Variants in ZNF521 observed in about 807,000 individuals in gnomAD.
ZNF521 encodes the protein zinc finger protein 521, also known as LYST-interacting protein 3.
ZNF521 carries 14 observed loss-of-function variants against 105.5 expected under a neutral mutation model. That is an observed-to-expected ratio of 0.13 (90% CI 0.09 to 0.21). The LOEUF is 0.21. Ranked by LOEUF, ZNF521 falls within the 10% of genes least tolerant of loss-of-function variation. ZNF521 has a pLI of 1.00. For synonymous variants in ZNF521, 635 were observed against 606.0 expected, an observed-to-expected ratio of 1.05 and a Z score of -0.70; for missense variants, 1,233 against 1,629.7, an observed-to-expected ratio of 0.76 and a Z score of 4.19.
intron 7 of ZNF521, among the ~76,000 whole-genome samples, chr18:25,069,573 A>T (rs2033163256): frequency 6.6e-6 from 1 of 152,178 alleles, no homozygotes; most frequent in Admixed American, 6.5e-5. Flanking sequence ...TTCCTGGCTG[A>T]GGAAATCTGG....
At position 25,236,365 on chromosome 18, in the gene ZNF521, G is replaced by A. The variant is rs62083908; in HGVS notation, c.221-8668C>T. On this transcript the variant is annotated intron_variant, in intron 3 of 7. Transcript: ENST00000361524. ...AGCCTGGATAACATGGTGAAACCCC[G>A]TCTCTACTAAAATACAAAAAATTAG... Among the ~76,000 whole-genome samples the A allele has an allele frequency of 6.4e-3, 976 of 152,108 alleles. 5 individuals carry two copies. Among genetic ancestry groups the A allele is most frequent in the Middle Eastern group, 0.01 (3 of 294 alleles).
chr18:25,217,089 A>G (rs1004309187), intron 4 of ZNF521, among the ~76,000 whole-genome samples: 4 of 152,158 alleles, frequency 2.6e-5, no homozygotes, highest in Admixed American at 1.3e-4. Flanking sequence ...ACAGCCAGAG[A>G]GCCCATGACT....
intron 3 of ZNF521, among the ~76,000 whole-genome samples, chr18:25,229,715 A>G (rs943070040): frequency 2.6e-5 from 4 of 152,342 alleles, no homozygotes; most frequent in African/African-American, 9.6e-5. Context: ...AAAATCTACC[A>G]CATTTCACAT....
intron 7 of ZNF521, among the ~76,000 whole-genome samples, chr18:25,077,530 A>G (rs1039443558): frequency 6.7e-6 from 1 of 149,652 alleles, no homozygotes; most frequent in African/African-American, 2.5e-5. Flanking sequence ...TTCTCCTCTT[A>G]TGTTTTTTTT....
chr18:25,062,781 A>ATAG, intron 7 of ZNF521, 40 bp from the exon 8 acceptor site: 1 of 1,376,546 alleles, frequency 7.3e-7, no homozygotes, highest in Non-Finnish European at 9.7e-7. Flanking sequence ...AAAAAAAAAA[A>ATAG]AAAAGAGAAG....
Position 25,228,823 on chromosome 18 carries a change from T to C in ZNF521, c.221-1126A>G, listed in dbSNP as rs977951616. 3.3e-5 allele frequency among the ~76,000 whole-genome samples: 5 copies of C among 152,334 alleles called. No individual in the cohort carries two copies. In the East Asian group the frequency reaches 5.8e-4, roughly 18 times the overall value. On this transcript the variant is annotated intron_variant, in intron 3 of 7. Coordinates refer to ENST00000361524, the MANE Select transcript of ZNF521 (RefSeq NM_015461.3). Reference sequence around the variant, plus strand: ...TGTTATTTCTGTTGCTTTCTTGATATCCAAGTGGAAAATAAGACCATCTCA... The same window carrying C: ...TGTTATTTCTGTTGCTTTCTTGATACCCAAGTGGAAAATAAGACCATCTCA...
chr18:25,164,655 A>G (rs2035306074), intron 5 of ZNF521, among the ~76,000 whole-genome samples: 1 of 152,164 alleles, frequency 6.6e-6, no homozygotes, highest in Non-Finnish European at 1.5e-5. Context: ...GCTTCTCCCC[A>G]TACAAGGGAA....
chr18:25,137,845 C>T (rs1465205676), intron 5 of ZNF521, among the ~76,000 whole-genome samples: 1 of 152,138 alleles, frequency 6.6e-6, no homozygotes, highest in Non-Finnish European at 1.5e-5. Flanking sequence ...GCAAAGCTAG[C>T]GTTTGATCCT....
intron 3 of ZNF521, among the ~76,000 whole-genome samples, chr18:25,289,604 T>A (rs1910899763): frequency 6.6e-6 from 1 of 152,212 alleles, no homozygotes; most frequent in Non-Finnish European, 1.5e-5. Context: ...TACTTTGTTA[T>A]CAGATAAATC....
At chr18:25,074,903 G>A (rs1354598546) in intron 7 of ZNF521, among the ~76,000 whole-genome samples, 1 of 152,106 alleles carries the variant, frequency 6.6e-6, no homozygotes, top group Admixed American at 6.5e-5. Flanking sequence ...GCTATGGTGA[G>A]AGTAATCTAT....
intron 2 of ZNF521, among the ~76,000 whole-genome samples, chr18:25,326,249 A>C (rs1450779025): frequency 2.0e-5 from 3 of 152,230 alleles, no homozygotes; most frequent in African/African-American, 7.2e-5. Context: ...CAAGGATCCC[A>C]TGCCTGATCA....
At chr18:25,208,977 T>A (rs772204505) in intron 4 of ZNF521, among the ~76,000 whole-genome samples, 1 of 152,202 alleles carries the variant, frequency 6.6e-6, no homozygotes, top group Non-Finnish European at 1.5e-5. Flanking sequence ...ATTTCGAAGA[T>A]AATCCTTAGA....
intron 4 of ZNF521, among the ~76,000 whole-genome samples, chr18:25,206,784 T>A (rs906167969): frequency 2.0e-5 from 3 of 152,180 alleles, no homozygotes; most frequent in Non-Finnish European, 4.4e-5. Flanking sequence ...CACCCTTCTC[T>A]TCTCCTTCAA....
chr18:25,299,893 A>G (rs979356458), intron 3 of ZNF521, among the ~76,000 whole-genome samples: 4 of 152,210 alleles, frequency 2.6e-5, no homozygotes, highest in African/African-American at 9.6e-5. Flanking sequence ...GGTGACCACA[A>G]CGATAACTGC....
chr18:25,156,686 A>G (rs1235470932), intron 5 of ZNF521, among the ~76,000 whole-genome samples: 1 of 152,190 alleles, frequency 6.6e-6, no homozygotes, highest in Non-Finnish European at 1.5e-5. Flanking sequence ...TTTTTCATAT[A>G]TATGGAAAAT....
intron 5 of ZNF521, among the ~76,000 whole-genome samples, chr18:25,171,884 T>C (rs994295713): frequency 6.6e-6 from 1 of 152,130 alleles, no homozygotes; most frequent in Non-Finnish European, 1.5e-5. Flanking sequence ...ACTGTCAAGC[T>C]GCCACCCCTA....
Position 25,225,009 on chromosome 18 carries a change from G to A in ZNF521, c.2909C>T (p.Ser970Phe). The change falls in exon 4 of 8, where the codon TCC (serine) becomes TTC (phenylalanine). Residue 970 changes from serine (S) to phenylalanine (F), a missense_variant. This residue lies in a region of ZNF521 where 614 missense variants were observed against 751.5 expected (regional missense o/e 0.82). Coordinates refer to ENST00000361524, the MANE Select transcript of ZNF521 (RefSeq NM_015461.3). The surrounding 1 kb of genome is among the most constrained non-coding windows in gnomAD (Gnocchi z 5.6). The part of the protein sequence containing the change: ...MCPICGERFP[S>F]LLTLTEHKVT... The stretch of plus-strand genomic sequence containing the variant: ...TTTGTGTTCAGTAAGAGTTAAAAGG[G>A]AGGGAAACCGCTCTCCGCAAATAGG... 1 of 1,614,164 alleles carries A rather than the reference G, an allele frequency of 6.2e-7. No homozygotes were observed. The highest frequency in any genetic ancestry group is 1.1e-5 in the South Asian group (1 of 91,080).
At chr18:25,081,337 C>T (rs910311998) in intron 7 of ZNF521, among the ~76,000 whole-genome samples, 24 of 152,124 alleles carry the variant, frequency 1.6e-4, no homozygotes, top group African/African-American at 5.8e-4. Context: ...GGTGGTGCTC[C>T]CTCTTTTAAT....
rs66794523 is a variant in ZNF521 at position 25,285,698 on chromosome 18, TCACACACACA to T, written c.220+36300_220+36309del. On this transcript the variant is annotated intron_variant, in intron 3 of 7. Transcript: ENST00000361524. The stretch of plus-strand genomic sequence containing the variant: ...AGTTGCACTTCTCTCTCTCTCTCTC[TCACACACACA>T]CACACACACACACACACACACACGT... Among the ~76,000 whole-genome samples the T allele has an allele frequency of 7.0e-3, 1,033 of 147,088 alleles. 9 individuals carry two copies. The highest frequency in any genetic ancestry group is 0.024 in the African/African-American group (957 of 39,608).
Sources: allele counts gnomAD v4.1 joint callset (sites outside exome capture counted in the v4.1 genomes callset), GRCh38; gene constraint gnomAD v4.1.1; regional missense constraint gnomAD v4.1.1; non-coding constraint Gnocchi (gnomAD v3.1); transcripts MANE v1.5; gene names NCBI Gene and HGNC (gene_info 2026-07-23, HGNC 2026-07-21).